Variants in FOXP2 observed in about 807,000 individuals in gnomAD.
The protein encoded by FOXP2 is forkhead box protein P2.
A neutral mutation model predicts 115.8 loss-of-function variants in FOXP2; 12 were observed. The ratio of observed to expected loss-of-function variants is 0.10; its 90% CI spans 0.07 to 0.17. The LOEUF (loss-of-function observed/expected upper bound fraction) is 0.17, where lower values mean the gene tolerates loss of function less well. FOXP2 is among the 10% of genes least tolerant of loss of function. The pLI is 1.00. For missense variants in FOXP2, 629 were observed against 843.5 expected, an observed-to-expected ratio of 0.75 and a Z score of 3.15; for synonymous variants, 328 against 297.7, an observed-to-expected ratio of 1.10 and a Z score of -1.05.
chr7:114,302,795 GC>G (rs775683888), intron 2 of FOXP2, among the ~76,000 whole-genome samples: 1 of 152,160 alleles, frequency 6.6e-6, no homozygotes, highest in Non-Finnish European at 1.5e-5. Context: ...TAAGCAAGCT[GC>G]CATGTTTTTG....
At chr7:114,637,057 G>A (rs1476594362) in intron 6 of FOXP2, among the ~76,000 whole-genome samples, 2 of 151,850 alleles carry the variant, frequency 1.3e-5, no homozygotes, top group African/African-American at 4.8e-5. Context: ...GCCTGTGGTC[G>A]GTCACATCCC....
chr7:114,626,727 T>G (rs1272563205), intron 3 of FOXP2, among the ~76,000 whole-genome samples: 2 of 149,472 alleles, frequency 1.3e-5, no homozygotes, highest in Admixed American at 1.3e-4. Flanking sequence ...AAGACATTTT[T>G]GTAGATTGAT....
Position 114,691,835 on chromosome 7 carries a change from C to A in FOXP2, c.*1909C>A, listed in dbSNP as rs1266782195. ...GTCAGCAAATAGAGTTAGAGAGATA[C>A]CCAGTCATCTATCACACCAAATAAA... On this transcript the variant is annotated 3_prime_UTR_variant, in exon 17 of 17. Transcript: ENST00000350908. 2.2e-6 allele frequency: 1 copy of A among 452,596 alleles called. No individual in the cohort carries two copies. The highest frequency in any genetic ancestry group is 4.4e-6 in the Non-Finnish European group (1 of 226,368). The allele number at this position is 452,596 out of a possible 1,614,324, so 28.0% of individuals were successfully genotyped here.
At chr7:114,219,535 G>A (rs944556997) in intron 1 of FOXP2, among the ~76,000 whole-genome samples, 1 of 152,132 alleles carries the variant, frequency 6.6e-6, no homozygotes, top group East Asian at 1.9e-4. Flanking sequence ...ACTTTATTAG[G>A]CAAAACATTT....
intron 9 of FOXP2, among the ~76,000 whole-genome samples, chr7:114,653,025 G>A (rs972643358): frequency 6.6e-6 from 1 of 152,088 alleles, no homozygotes; most frequent in Non-Finnish European, 1.5e-5. Flanking sequence ...TCATCTTAAA[G>A]ATGATCTTTT....
chr7:114,222,502 T>A (rs958806074), intron 1 of FOXP2, among the ~76,000 whole-genome samples: 3 of 152,184 alleles, frequency 2.0e-5, no homozygotes, highest in African/African-American at 7.2e-5. Flanking sequence ...AACATGTATT[T>A]GTATATGTAT....
At chr7:114,459,710 G>C (rs1291122228) in intron 2 of FOXP2, among the ~76,000 whole-genome samples, 1 of 152,024 alleles carries the variant, frequency 6.6e-6, no homozygotes, top group African/African-American at 2.4e-5. Context: ...CCATCTCCCG[G>C]ATTTAAGCAA....
intron 1 of FOXP2, among the ~76,000 whole-genome samples, chr7:114,240,374 A>G (rs1385643446): frequency 6.6e-6 from 1 of 152,104 alleles, no homozygotes; most frequent in Non-Finnish European, 1.5e-5. Context: ...ATGGCCTGAC[A>G]TATTTTATAT....
upstream of FOXP2, among the ~76,000 whole-genome samples, chr7:114,412,144 A>G (rs1793179532): frequency 6.6e-6 from 1 of 152,160 alleles, no homozygotes; most frequent in African/African-American, 2.4e-5. Flanking sequence ...CATAGAAAGA[A>G]AACACCACAG....
chr7:114,228,478 C>A (rs1431464922), intron 1 of FOXP2, among the ~76,000 whole-genome samples: 2 of 151,856 alleles, frequency 1.3e-5, no homozygotes, highest in Non-Finnish European at 2.9e-5. Flanking sequence ...TAGAAAATAG[C>A]TGGTGAAGTG....
intron 3 of FOXP2, among the ~76,000 whole-genome samples, chr7:114,541,654 T>G (rs1030609682): frequency 1.6e-4 from 25 of 151,792 alleles, no homozygotes; most frequent in Non-Finnish European, 1.5e-4. Context: ...AATTAATAAA[T>G]GTACTTTTGC....
At chr7:114,360,234 C>T (rs1469039562) in intron 2 of FOXP2, among the ~76,000 whole-genome samples, 1 of 152,126 alleles carries the variant, frequency 6.6e-6, no homozygotes, top group Non-Finnish European at 1.5e-5. Context: ...CTTTGCCTTC[C>T]ACCATGATTG....
intron 2 of FOXP2, among the ~76,000 whole-genome samples, chr7:114,391,810 G>T (rs1792609552): frequency 6.6e-6 from 1 of 152,092 alleles, no homozygotes; most frequent in African/African-American, 2.4e-5. Context: ...CATGAACATG[G>T]TAGTTTCAGA....
chr7:114,602,049 A>G lies in FOXP2; in HGVS notation c.259-26491A>G, dbSNP rs79793367. ...CAACTTCTGTAATCTTATGGAATGTATATCTGCTTTTCTTGAGTTACTGAG... is the reference window on the plus strand; with the variant it reads ...CAACTTCTGTAATCTTATGGAATGTGTATCTGCTTTTCTTGAGTTACTGAG... On this transcript the variant is annotated intron_variant, in intron 3 of 16. Coordinates refer to ENST00000350908, the MANE Select transcript of FOXP2 (RefSeq NM_014491.4). 6.9e-4 allele frequency among the ~76,000 whole-genome samples: 105 copies of G among 152,214 alleles called. 2 individuals are homozygous for G. In the East Asian group the frequency reaches 0.012, roughly 17 times the overall value.
At chr7:114,229,101 A>G (rs1794810329) in intron 1 of FOXP2, among the ~76,000 whole-genome samples, 1 of 151,584 alleles carries the variant, frequency 6.6e-6, no homozygotes, top group Admixed American at 6.6e-5. Context: ...AAAGGTAGAT[A>G]TACTTATATC....
intron 2 of FOXP2, among the ~76,000 whole-genome samples, chr7:114,481,794 A>ATCTATCTG (rs1554402620): frequency 9.9e-5 from 15 of 150,774 alleles, no homozygotes; most frequent in South Asian, 2.1e-4. Flanking sequence ...CTATCTATCT[A>ATCTATCTG]TCTATCTATC....
intron 3 of FOXP2, among the ~76,000 whole-genome samples, chr7:114,615,738 G>A (rs147211791): frequency 6.6e-6 from 1 of 152,302 alleles, no homozygotes; most frequent in Non-Finnish European, 1.5e-5. Flanking sequence ...AATATAAAGA[G>A]AGACTGTACG....
chr7:114,333,627 C>G (rs1349245374), intron 2 of FOXP2, among the ~76,000 whole-genome samples: 2 of 152,140 alleles, frequency 1.3e-5, no homozygotes, highest in Non-Finnish European at 2.9e-5. Flanking sequence ...GTGGCACATG[C>G]CTAGAGTGCA....
chr7:114,387,577 C>A (rs530986306), intron 2 of FOXP2, among the ~76,000 whole-genome samples: 26 of 152,118 alleles, frequency 1.7e-4, no homozygotes, highest in Non-Finnish European at 1.5e-4. Flanking sequence ...TACAACGTGT[C>A]TAACAGCCAA....
Sources: allele counts gnomAD v4.1 joint callset (sites outside exome capture counted in the v4.1 genomes callset), GRCh38; gene constraint gnomAD v4.1.1; transcripts MANE v1.5; gene names NCBI Gene and HGNC (gene_info 2026-07-23, HGNC 2026-07-21).